The following VMP1 variants were observed in gnomAD, a reference collection of about 807,000 sequenced individuals.
The protein encoded by VMP1 is ectopic P-granules autophagy protein 3 homolog.
Under a neutral mutation model 56.0 loss-of-function variants are expected in VMP1, and 11 were observed. The observed-to-expected ratio is 0.20, with a 90% CI of 0.12 to 0.32. VMP1 has a LOEUF of 0.32. VMP1 is among the 10% of genes least tolerant of loss of function. VMP1 has a pLI of 1.00. For synonymous variants in VMP1, 149 were observed against 165.0 expected (o/e 0.90, Z 0.74); for missense variants, 296 against 490.3 (o/e 0.60, Z 3.74).
At chr17:59,782,048 A>T (rs2144076387) in intron 7 of VMP1, among the ~76,000 whole-genome samples, 1 of 152,218 alleles carries the variant, frequency 6.6e-6, no homozygotes, top group African/African-American at 2.4e-5. Context: ...AGCTAGGATT[A>T]CAGGCACATG....
chr17:59,737,231 A>C (rs1020781361), intron 3 of VMP1, among the ~76,000 whole-genome samples: 4 of 152,082 alleles, frequency 2.6e-5, no homozygotes, highest in African/African-American at 9.7e-5. Flanking sequence ...GCTTTGGGTA[A>C]GGAAAAGGCT....
At chr17:59,804,570 G>C (rs1417268646) in intron 7 of VMP1, among the ~76,000 whole-genome samples, 1 of 132,210 alleles carries the variant, frequency 7.6e-6, no homozygotes, top group Non-Finnish European at 1.5e-5. Context: ...AGCCAAGATC[G>C]CACCACTTCA....
intron 10 of VMP1, among the ~76,000 whole-genome samples, chr17:59,824,449 T>A (rs1021607896): frequency 1.3e-5 from 2 of 149,734 alleles, no homozygotes; most frequent in Non-Finnish European, 3.0e-5. Flanking sequence ...GGTGGGCGTC[T>A]ATAATCCCAG....
Position 59,773,911 on chromosome 17 carries a change from G to T in VMP1, c.714+26G>T. The T allele has an allele frequency of 2.6e-6, 4 of 1,558,574 alleles. No individual in the cohort carries two copies. In the South Asian group the frequency reaches 4.8e-5, roughly 19 times the overall value. On this transcript the variant is annotated intron_variant, in intron 7 of 11. Coordinates refer to ENST00000262291, the MANE Select transcript of VMP1 (RefSeq NM_030938.5). The stretch of plus-strand genomic sequence containing the variant: ...GTAAGAACAGTGGGGATAGAAAATA[G>T]AACACTTTACTTCTTCCTAAAGAGG...
intron 6 of VMP1, among the ~76,000 whole-genome samples, chr17:59,771,606 G>GTTTTTTTTTTTT (rs1306304917): frequency 8.1e-6 from 1 of 123,454 alleles, no homozygotes; most frequent in African/African-American, 3.0e-5. Flanking sequence ...GGTTTTTTTG[G>GTTTTTTTTTTTT]TTTTTTTTTT....
At chr17:59,811,500 A>T (rs1261030772) in intron 8 of VMP1, among the ~76,000 whole-genome samples, 170 bp from the exon 9 acceptor site, 1 of 152,242 alleles carries the variant, frequency 6.6e-6, no homozygotes, top group African/African-American at 2.4e-5. Context: ...TTCTAGACAC[A>T]TTAGGATGTT....
intron 7 of VMP1, among the ~76,000 whole-genome samples, chr17:59,791,714 T>G (rs546695775): frequency 1.3e-5 from 2 of 152,194 alleles, no homozygotes; most frequent in South Asian, 2.1e-4. Context: ...TCTGCCCACC[T>G]TGGCCTCCCA....
At chr17:59,776,552 T>C (rs1190049670) in intron 7 of VMP1, among the ~76,000 whole-genome samples, 4 of 152,234 alleles carry the variant, frequency 2.6e-5, no homozygotes, top group Non-Finnish European at 5.9e-5. Flanking sequence ...AAAGGTACCA[T>C]TCTTCTAACT....
At chr17:59,767,004 ACT>A (rs751693232) in intron 6 of VMP1, among the ~76,000 whole-genome samples, 1 of 151,416 alleles carries the variant, frequency 6.6e-6, no homozygotes, top group Non-Finnish European at 1.5e-5. Flanking sequence ...CTGGTCTCGA[ACT>A]CCTGACTTCA....
intron 5 of VMP1, among the ~76,000 whole-genome samples, chr17:59,750,761 C>G (rs1294685559): frequency 6.6e-6 from 1 of 151,894 alleles, no homozygotes; most frequent in Non-Finnish European, 1.5e-5. Flanking sequence ...GTTTTTAGTT[C>G]TTATGCAGGC....
At chr17:59,813,391 A>G (rs1479290091) in intron 9 of VMP1, among the ~76,000 whole-genome samples, 1 of 152,028 alleles carries the variant, frequency 6.6e-6, no homozygotes, top group Non-Finnish European at 1.5e-5. Flanking sequence ...CAGCCTGACC[A>G]ACATGGAGAA....
chr17:59,826,462 A>G (rs1182377515), intron 10 of VMP1, among the ~76,000 whole-genome samples: 1 of 152,214 alleles, frequency 6.6e-6, no homozygotes, highest in Non-Finnish European at 1.5e-5. Flanking sequence ...TGTTTTGTAA[A>G]TATTTGTTGA....
chr17:59,733,579 G>A (rs371264827), intron 2 of VMP1, among the ~76,000 whole-genome samples: 1 of 152,082 alleles, frequency 6.6e-6, no homozygotes, highest in East Asian at 1.9e-4. Flanking sequence ...GCAGATGCCT[G>A]TGATCCCAGC....
chr17:59,785,622 A>G lies in VMP1; in HGVS notation c.714+11737A>G, dbSNP rs562717018. On this transcript the variant is annotated intron_variant, in intron 7 of 11. Coordinates refer to ENST00000262291, the MANE Select transcript of VMP1 (RefSeq NM_030938.5). ...CGAGAATCGCTTGAACCCGAGAGGC[A>G]GAGGTTGCAGTGAGCTGAGATCACA... Among the ~76,000 whole-genome samples the G allele has an allele frequency of 1.7e-4, 25 of 151,334 alleles. No homozygotes were observed. The East Asian group carries it at 4.1e-3, about 25-fold the overall frequency.
intron 5 of VMP1, among the ~76,000 whole-genome samples, chr17:59,748,183 G>A (rs1176090100): frequency 7.5e-6 from 1 of 133,556 alleles, no homozygotes; most frequent in Non-Finnish European, 1.5e-5. Flanking sequence ...GCAATAGAGC[G>A]AGACTCCGTC....
intron 1 of VMP1, among the ~76,000 whole-genome samples, chr17:59,711,985 T>C (rs2033950616): frequency 6.6e-6 from 1 of 152,234 alleles, no homozygotes; most frequent in East Asian, 1.9e-4. Flanking sequence ...TTTCAAATTC[T>C]AGCTCTATTA....
chr17:59,734,961 GTCTTCAGTGGCAC>G (rs2143818918), intron 2 of VMP1, among the ~76,000 whole-genome samples: 1 of 134,886 alleles, frequency 7.4e-6, no homozygotes, highest in Non-Finnish European at 1.5e-5. Flanking sequence ...ATCCAGGCTG[GTCTTCAGTGGCAC>G]AATCTCAGTT....
chr17:59,727,674 C>A (rs1189829318), intron 1 of VMP1, among the ~76,000 whole-genome samples: 2 of 152,156 alleles, frequency 1.3e-5, no homozygotes, highest in African/African-American at 4.8e-5. Flanking sequence ...ATCACTGATA[C>A]AATAACAATG....
chr17:59,792,612 C>A (rs1360949748), intron 7 of VMP1, among the ~76,000 whole-genome samples: 1 of 150,580 alleles, frequency 6.6e-6, no homozygotes, highest in East Asian at 2.0e-4. Flanking sequence ...TGCCTGTAAT[C>A]CTAGCACTTT....
Sources: gnomAD v4.1 joint callset for allele counts (sites outside exome capture counted in the v4.1 genomes callset) on GRCh38, gnomAD v4.1.1 for gene constraint, MANE v1.5 for transcripts, NCBI Gene and HGNC (gene_info 2026-07-23, HGNC 2026-07-21) for gene names.